The following GPRC5B variants were observed in gnomAD, a reference collection of about 807,000 sequenced individuals.
GPRC5B encodes the protein G protein-coupled receptor family C group 5 member B.
GPRC5B carries 16 observed loss-of-function variants against 30.1 expected under a neutral mutation model. That is an observed-to-expected ratio of 0.53 (90% CI 0.36 to 0.81). The LOEUF is 0.81. Among genes scored for constraint, GPRC5B ranks in the 30% least tolerant of loss-of-function variants. The pLI, the probability that GPRC5B is intolerant of heterozygous loss-of-function variation, is 0.01. For missense variants in GPRC5B, 428 were observed against 544.7 expected (o/e 0.79, Z 2.13); for synonymous variants, 241 against 239.5 (o/e 1.01, Z -0.06).
At chr16:19,884,971 C>G, upstream of GPRC5B, 2 of 753,260 alleles carry the variant, frequency 2.7e-6, no homozygotes, top group Non-Finnish European at 3.2e-6. Flanking sequence ...GAGCCCCACC[C>G]CCGGTCCCGC....
chr16:19,871,355 C>A (rs1037808312), intron 2 of GPRC5B, among the ~76,000 whole-genome samples: 1 of 151,328 alleles, frequency 6.6e-6, no homozygotes, highest in African/African-American at 2.4e-5. Flanking sequence ...GGCGTGGTGG[C>A]TCACTCCTGT....
chr16:19,859,039 C>T lies in GPRC5B; in HGVS notation c.*1461G>A, dbSNP rs1481361507. 6.5e-6 allele frequency: 1 copy of T among 153,466 alleles called. No homozygotes were observed. The highest frequency in any genetic ancestry group is 1.5e-5 in the Non-Finnish European group (1 of 68,900). The allele number at this position is 153,466 out of a possible 1,614,324, so 9.5% of individuals were successfully genotyped here. ...CGTACTGGCTTATGAAGCGGTCAGT[C>T]CTCCCCCGGCCCCCAAACACTAACC... On this transcript the variant is annotated 3_prime_UTR_variant, in exon 4 of 4. Transcript: ENST00000300571.
At position 19,860,492 on chromosome 16, in the gene GPRC5B, A is replaced by C; in HGVS notation, c.*8T>G. The C allele has an allele frequency of 1.9e-6, 3 of 1,563,578 alleles. No individual in the cohort carries two copies. The highest frequency in any genetic ancestry group is 1.7e-5 in the Admixed American group (1 of 59,810). On this transcript the variant is annotated 3_prime_UTR_variant, in exon 4 of 4. Coordinates refer to ENST00000300571, the MANE Select transcript of GPRC5B (RefSeq NM_016235.3). ...GAGAAATTCTGATTCTCTGGAACTT[A>C]AAGTCTTTCACCAAAGGTGTCTTCC...
intron 2 of GPRC5B, among the ~76,000 whole-genome samples, chr16:19,866,844 T>G (rs1245564870): frequency 6.6e-6 from 1 of 152,224 alleles, no homozygotes; most frequent in East Asian, 1.9e-4. Flanking sequence ...ATGAAACAGA[T>G]GTGAAACACA....
intron 2 of GPRC5B, among the ~76,000 whole-genome samples, chr16:19,863,461 G>A (rs2056642429): frequency 6.7e-6 from 1 of 148,958 alleles, no homozygotes; most frequent in Admixed American, 6.7e-5. Flanking sequence ...GGCACAGTCA[G>A]CATTGGGACC....
chr16:19,871,218 GGCTGCAGTGA>G (rs1300974525), intron 2 of GPRC5B, among the ~76,000 whole-genome samples: 1 of 142,114 alleles, frequency 7.0e-6, no homozygotes, highest in African/African-American at 2.7e-5. Context: ...AGGAGTTCGA[GGCTGCAGTGA>G]GCTATGATCA....
upstream of GPRC5B, chr16:19,885,344 C>T: frequency 4.2e-6 from 5 of 1,204,636 alleles, no homozygotes; most frequent in Non-Finnish European, 5.3e-6. The surrounding 1 kb of genome is among the most constrained non-coding windows in gnomAD (Gnocchi z 5.3). Flanking sequence ...CGATCCCGCC[C>T]GGTGCCTCTC....
chr16:19,881,465 C>G (rs2056806295), intron 1 of GPRC5B, among the ~76,000 whole-genome samples: 1 of 151,870 alleles, frequency 6.6e-6, no homozygotes, highest in Admixed American at 6.6e-5. Flanking sequence ...GAAGCAACAG[C>G]TTTTTAGTGA....
rs775283680 is a variant in GPRC5B at position 19,872,465 on chromosome 16, G to T, written c.381C>A (p.Phe127Leu). Residue 127 changes from phenylalanine (F) to leucine (L), a missense_variant, in exon 2 of 4, where the codon TTC becomes TTA. This residue lies in a region of GPRC5B where 196 missense variants were observed against 272.6 expected (regional missense o/e 0.72). Transcript: ENST00000300571. This position sits in a 1 kb window ranked among gnomAD's most constrained non-coding sequence, Gnocchi z 5.0. ...AGAGCGCAAAGAGGACGCCCCAGAG[G>T]AAGCGGCGGACAGAGCAGATGGTCT... is the stretch of plus-strand genomic sequence containing the variant. ...EDETICSVRR[F>L]LWGVLFALCF... is the part of the protein sequence containing the mutation. The T allele has an allele frequency of 6.2e-7, 1 of 1,614,024 alleles. No homozygotes were observed. The highest frequency in any genetic ancestry group is 2.2e-5 in the East Asian group (1 of 44,882).
At chr16:19,870,873 A>G (rs1359342306) in intron 2 of GPRC5B, among the ~76,000 whole-genome samples, 4 of 152,162 alleles carry the variant, frequency 2.6e-5, no homozygotes, top group Non-Finnish European at 4.4e-5. Flanking sequence ...GTTTCAGACC[A>G]TTGCAGCCTG....
At chr16:19,861,438 G>T (rs888935383) in intron 3 of GPRC5B, among the ~76,000 whole-genome samples, 1 of 152,162 alleles carries the variant, frequency 6.6e-6, no homozygotes, top group African/African-American at 2.4e-5. Context: ...TACCCAGCTG[G>T]GGAGGAGTCA....
At chr16:19,879,544 A>G (rs1256180975) in intron 1 of GPRC5B, among the ~76,000 whole-genome samples, 1 of 152,150 alleles carries the variant, frequency 6.6e-6, no homozygotes, top group Non-Finnish European at 1.5e-5. Flanking sequence ...GGGCCTGCAG[A>G]GGGCGAACAC....
At chr16:19,866,386 TC>T (rs2056666938) in intron 2 of GPRC5B, among the ~76,000 whole-genome samples, 1 of 151,840 alleles carries the variant, frequency 6.6e-6, no homozygotes, top group Admixed American at 6.6e-5. Context: ...AGATAAGGTC[TC>T]CCTTTGTCAC....
rs1164233488 is a variant in GPRC5B at position 19,884,710 on chromosome 16, G to A, written c.-2+17C>T. On this transcript the variant is annotated intron_variant, in intron 1 of 3. Coordinates refer to ENST00000300571, the MANE Select transcript of GPRC5B (RefSeq NM_016235.3). ...CCCCACAGCGTCCTCCACTGCATCG[G>A]CGCAGCTCGCACTTACCGACCCCCG... The A allele has an allele frequency of 2.0e-6, 2 of 985,190 alleles. No homozygotes were observed. Among genetic ancestry groups the A allele is most frequent in the East Asian group, 1.1e-4 (1 of 8,768 alleles). 61.0% of individuals were successfully genotyped at this position (985,190 alleles called of 1,614,324 possible). A position where few individuals can be genotyped will look rare whatever the true frequency, so the allele number is the denominator to read the frequency against.
chr16:19,878,408 C>A (rs2056777118), intron 1 of GPRC5B, among the ~76,000 whole-genome samples: 1 of 151,904 alleles, frequency 6.6e-6, no homozygotes, highest in African/African-American at 2.4e-5. Flanking sequence ...TGGGCTCAAG[C>A]CATTATCCTG....
At chr16:19,879,741 T>G (rs2056789403) in intron 1 of GPRC5B, among the ~76,000 whole-genome samples, 1 of 152,190 alleles carries the variant, frequency 6.6e-6, no homozygotes, top group African/African-American at 2.4e-5. Flanking sequence ...ACAAAGGTGC[T>G]AACAGTGTCC....
At chr16:19,885,250 C>T (rs1349755552), upstream of GPRC5B, 4 of 1,287,594 alleles carry the variant, frequency 3.1e-6, no homozygotes, top group Admixed American at 2.3e-5. This position sits in a 1 kb window ranked among gnomAD's most constrained non-coding sequence, Gnocchi z 5.3. Context: ...AGCCTTCCTG[C>T]CCCCAGGCCA....
chr16:19,864,631 CA>C (rs1248804722), intron 2 of GPRC5B, among the ~76,000 whole-genome samples: 1 of 152,218 alleles, frequency 6.6e-6, no homozygotes, highest in African/African-American at 2.4e-5. Flanking sequence ...GAAGAGAGCC[CA>C]AAAGGCTAAA....
At chr16:19,864,758 C>T (rs1383250034) in intron 2 of GPRC5B, among the ~76,000 whole-genome samples, 1 of 152,218 alleles carries the variant, frequency 6.6e-6, no homozygotes, top group Non-Finnish European at 1.5e-5. Context: ...TACAAGCTGG[C>T]TGAGGTCAGC....
Sources: gnomAD v4.1 joint callset for allele counts (sites outside exome capture counted in the v4.1 genomes callset) on GRCh38, gnomAD v4.1.1 for gene constraint, gnomAD v4.1.1 regional missense constraint, Gnocchi (gnomAD v3.1) non-coding constraint, MANE v1.5 for transcripts, NCBI Gene and HGNC (gene_info 2026-07-23, HGNC 2026-07-21) for gene names.